Variants in MPP7 observed in about 807,000 individuals in gnomAD.
MPP7 encodes the protein MAGUK p55 subfamily member 7.
Under a neutral mutation model 76.5 loss-of-function variants are expected in MPP7, and 60 were observed. The observed-to-expected ratio is 0.78, with a 90% CI of 0.64 to 0.97. The LOEUF (loss-of-function observed/expected upper bound fraction) is 0.97. Among genes scored for constraint, MPP7 ranks in the 50% least tolerant of loss-of-function variants. The pLI is 0.00. For missense variants in MPP7, 641 were observed against 694.0 expected (o/e 0.92, Z 0.86); for synonymous variants, 237 against 244.5 (o/e 0.97, Z 0.29).
chr10:28,072,326 C>T (rs992140998), intron 12 of MPP7, among the ~76,000 whole-genome samples: 8 of 152,066 alleles, frequency 5.3e-5, no homozygotes, highest in Non-Finnish European at 1.2e-4. Flanking sequence ...TGCTTCAGTG[C>T]ACCAGACAGT....
chr10:28,202,333 G>A, intron 2 of MPP7, 62 bp from the exon 3 acceptor site: 1 of 1,221,984 alleles, frequency 8.2e-7, no homozygotes, highest in East Asian at 2.4e-5. Context: ...TTTCGCCTAA[G>A]GTGTGTGTAA....
At chr10:28,312,513 G>A (rs145534352) in intron 2 of MPP7, among the ~76,000 whole-genome samples, 1 of 152,214 alleles carries the variant, frequency 6.6e-6, no homozygotes, top group African/African-American at 2.4e-5. Context: ...TCACCTCTCA[G>A]CATGATTATA....
rs1455336072 is a variant in MPP7 at position 28,054,059 on chromosome 10, T to C, written c.*6A>G. On this transcript the variant is annotated 3_prime_UTR_variant, in exon 17 of 17. Transcript: ENST00000683449. Reference sequence around the variant, plus strand: ...AGAAAAAGACAATTATGGAAATTTCTCTTAGTTATGAATGTAACCAGCTCA... The same window carrying C: ...AGAAAAAGACAATTATGGAAATTTCCCTTAGTTATGAATGTAACCAGCTCA... 1.2e-6 allele frequency: 2 copies of C among 1,606,382 alleles called. No homozygotes were observed. Among genetic ancestry groups the C allele is most frequent in the African/African-American group, 2.7e-5 (2 of 74,402 alleles).
At position 28,238,743 on chromosome 10, in the gene MPP7, G is replaced by C; in HGVS notation, c.-131-8C>G. On this transcript the variant is annotated splice_polypyrimidine_tract_variant and splice_region_variant and intron_variant, in intron 1 of 16. Transcript: ENST00000683449. ...ATATTTTGTAAGCCGTTTCTAGAAA[G>C]GAAAGAAACATTTATATTTTTTAAA... The C allele has an allele frequency of 1.3e-6, 1 of 755,152 alleles. No individual in the cohort carries two copies. Among genetic ancestry groups the C allele is most frequent in the Non-Finnish European group, 2.2e-6 (1 of 457,222 alleles). The allele number at this position is 755,152 out of a possible 1,614,324, so 46.8% of individuals were successfully genotyped here.
chr10:28,293,059 AG>A (rs1840958146), intron 1 of MPP7, among the ~76,000 whole-genome samples: 1 of 149,036 alleles, frequency 6.7e-6, no homozygotes, highest in South Asian at 2.2e-4. Flanking sequence ...AAAAAAAAAA[AG>A]GTTGGATCAT....
intron 1 of MPP7, among the ~76,000 whole-genome samples, chr10:28,295,114 C>T (rs1841009011): frequency 6.6e-6 from 1 of 152,182 alleles, no homozygotes; most frequent in Non-Finnish European, 1.5e-5. Context: ...CACAAGCCCT[C>T]CGTGTGATCC....
chr10:28,204,995 T>G (rs1284583696), intron 2 of MPP7, among the ~76,000 whole-genome samples: 1 of 152,218 alleles, frequency 6.6e-6, no homozygotes, highest in African/African-American at 2.4e-5. Flanking sequence ...AAAAAATAAT[T>G]TTTCTGTTAG....
Position 28,325,995 on chromosome 10 carries a change from A to ATG in MPP7, c.-132+3933_-132+3934insCA, listed in dbSNP as rs1564773343. ...CATCTCAAAAAAAAAAAAAAAAAAAAATTCCTTAAAGAGAAAAATCTGGCC... is the reference window on the plus strand; with the variant it reads ...CATCTCAAAAAAAAAAAAAAAAAAAATGATTCCTTAAAGAGAAAAATCTGGCC... On this transcript the variant is annotated intron_variant, in intron 2 of 11. Transcript: ENST00000441595. Among the ~76,000 whole-genome samples, 144 of 151,254 alleles carry ATG rather than the reference A, an allele frequency of 9.5e-4. 1 individual carries two copies. The highest frequency in any genetic ancestry group is 2.5e-3 in the African/African-American group (102 of 41,238).
At chr10:28,081,769 T>TC (rs11424522) in intron 12 of MPP7, among the ~76,000 whole-genome samples, 20 of 88,300 alleles carry the variant, frequency 2.3e-4, no homozygotes, top group African/African-American at 2.0e-3. Context: ...AATTATTCTC[T>TC]TTTTTTTTTT....
At chr10:28,222,561 A>T (rs926281491) in intron 2 of MPP7, among the ~76,000 whole-genome samples, 6 of 152,130 alleles carry the variant, frequency 3.9e-5, no homozygotes, top group Non-Finnish European at 4.4e-5. Context: ...TACAATTTTT[A>T]AAACCTAGTG....
chr10:28,225,690 T>C (rs559628333), intron 2 of MPP7, among the ~76,000 whole-genome samples: 1 of 152,314 alleles, frequency 6.6e-6, no homozygotes, highest in Admixed American at 6.5e-5. Context: ...GGGAAGAAAT[T>C]GGAACCCTCA....
intron 1 of MPP7, among the ~76,000 whole-genome samples, chr10:28,251,693 G>A (rs779965419): frequency 3.9e-5 from 6 of 152,066 alleles, no homozygotes; most frequent in African/African-American, 1.4e-4. Context: ...CAGAACTGAT[G>A]CAGGCACAGG....
At chr10:28,095,241 G>C (rs1034688788) in intron 11 of MPP7, among the ~76,000 whole-genome samples, 2 of 118,978 alleles carry the variant, frequency 1.7e-5, no homozygotes, top group African/African-American at 6.5e-5. Flanking sequence ...ATATATACAT[G>C]TACAGACATA....
intron 2 of MPP7, among the ~76,000 whole-genome samples, chr10:28,233,034 A>G (rs1005057909): frequency 4.6e-5 from 7 of 152,258 alleles, no homozygotes; most frequent in African/African-American, 1.7e-4. Flanking sequence ...GAATGATTCC[A>G]TAAGATTAAA....
At chr10:28,175,684 T>C (rs1235541662) in intron 3 of MPP7, among the ~76,000 whole-genome samples, 1 of 152,146 alleles carries the variant, frequency 6.6e-6, no homozygotes, top group East Asian at 1.9e-4. Flanking sequence ...ACTTAAGATA[T>C]TCAAAACAAG....
At chr10:28,083,312 C>T (rs938665313) in intron 12 of MPP7, among the ~76,000 whole-genome samples, 1 of 152,130 alleles carries the variant, frequency 6.6e-6, no homozygotes. Context: ...CATAAAACCG[C>T]CTTGGCCATC....
intron 3 of MPP7, 99 bp downstream of exon 3, chr10:28,202,054 T>C (rs138922326): frequency 0.013 from 10,778 of 835,944 alleles, 100 homozygotes; most frequent in Middle Eastern, 0.033. Flanking sequence ...CTGTTTTGTT[T>C]TCAGAGAGCA....
At chr10:28,332,578 G>T (rs703018) in intron 1 of MPP7, among the ~76,000 whole-genome samples, 1 of 151,998 alleles carries the variant, frequency 6.6e-6, no homozygotes, top group African/African-American at 2.4e-5. Flanking sequence ...AAAATCAACA[G>T]GTTTTGAGCA....
intron 3 of MPP7, among the ~76,000 whole-genome samples, chr10:28,200,132 C>T (rs1002903069): frequency 3.3e-5 from 5 of 152,164 alleles, no homozygotes; most frequent in East Asian, 1.9e-4. Flanking sequence ...TAAATAGACA[C>T]GCTTGGAATA....
Sources: allele counts gnomAD v4.1 joint callset (sites outside exome capture counted in the v4.1 genomes callset), GRCh38; gene constraint gnomAD v4.1.1; transcripts MANE v1.5; gene names NCBI Gene and HGNC (gene_info 2026-07-23, HGNC 2026-07-21).